MEI4: variants seen among roughly 807,000 people sequenced by gnomAD.
MEI4 encodes the protein meiotic double-stranded break formation protein 4, also known as meiosis-specific protein MEI4.
In MEI4, 27 loss-of-function variants were observed where a neutral mutation model predicts 31.4. The observed-to-expected ratio is 0.86, with a 90% CI of 0.63 to 1.19. The LOEUF is 1.19. Among genes scored for constraint, MEI4 ranks in the 50% most tolerant of loss-of-function variants. MEI4 has a pLI of 0.00. For missense variants in MEI4, 329 were observed against 398.9 expected (o/e 0.82, Z 1.49); for synonymous variants, 122 against 145.4 (o/e 0.84, Z 1.16).
At chr6:77,680,860 A>G (rs1768943982) in intron 1 of MEI4, among the ~76,000 whole-genome samples, 1 of 152,198 alleles carries the variant, frequency 6.6e-6, no homozygotes, top group African/African-American at 2.4e-5. Context: ...AGTGAGACTG[A>G]TGAGAAGTAG....
chr6:77,746,425 C>T (rs1217885859), intron 2 of MEI4, among the ~76,000 whole-genome samples: 4 of 152,082 alleles, frequency 2.6e-5, no homozygotes, highest in African/African-American at 9.7e-5. Context: ...AGGGGGGACT[C>T]CTCTTGCTCG....
chr6:77,785,834 A>G (rs1768721599), intron 3 of MEI4, among the ~76,000 whole-genome samples: 1 of 152,176 alleles, frequency 6.6e-6, no homozygotes, highest in Non-Finnish European at 1.5e-5. Context: ...GTAGTTGGAT[A>G]TAAATAGTCA....
intron 2 of MEI4, among the ~76,000 whole-genome samples, chr6:77,733,499 C>G (rs983704223): frequency 6.6e-6 from 1 of 151,938 alleles, no homozygotes; most frequent in Non-Finnish European, 1.5e-5. Context: ...TTTATTGTGT[C>G]TATTTGATTC....
At chr6:77,661,068 G>A (rs1471401943) in intron 1 of MEI4, among the ~76,000 whole-genome samples, 3 of 152,126 alleles carry the variant, frequency 2.0e-5, no homozygotes, top group East Asian at 1.9e-4. Flanking sequence ...AAGAAAGTGC[G>A]TCCATATAAA....
chr6:77,861,411 C>T (rs769368491), intron 4 of MEI4, among the ~76,000 whole-genome samples: 54 of 152,222 alleles, frequency 3.5e-4, no homozygotes, highest in Middle Eastern at 6.8e-3. Flanking sequence ...CAACAGCTTC[C>T]ACTTTTTTAA....
intron 3 of MEI4, among the ~76,000 whole-genome samples, chr6:77,796,655 A>C (rs1363391461): frequency 6.6e-6 from 1 of 152,182 alleles, no homozygotes; most frequent in African/African-American, 2.4e-5. Flanking sequence ...AGGAGGTGTA[A>C]AATCTGTACA....
At chr6:77,808,789 TAAG>T (rs1268909750) in intron 3 of MEI4, among the ~76,000 whole-genome samples, 3 of 152,278 alleles carry the variant, frequency 2.0e-5, no homozygotes, top group East Asian at 1.9e-4. Flanking sequence ...AGAAACAGGA[TAAG>T]AAGAAGTGGA....
intron 2 of MEI4, among the ~76,000 whole-genome samples, chr6:77,719,293 A>C (rs961954616): frequency 1.1e-4 from 15 of 137,076 alleles, no homozygotes; most frequent in African/African-American, 4.2e-4. Context: ...GTTTCCCTTT[A>C]GGTCTAAATT....
chr6:77,814,720 C>G (rs1346322817), intron 3 of MEI4, among the ~76,000 whole-genome samples: 2 of 152,020 alleles, frequency 1.3e-5, no homozygotes, highest in African/African-American at 4.8e-5. Context: ...TGAATGTTCC[C>G]CCTACCTGCT....
At chr6:77,863,438 A>T (rs1770926300) in intron 4 of MEI4, among the ~76,000 whole-genome samples, 1 of 152,170 alleles carries the variant, frequency 6.6e-6, no homozygotes, top group East Asian at 1.9e-4. Context: ...TGACAAATGC[A>T]CAAGCCTCAG....
chr6:77,710,539 A>G (rs9294078), intron 2 of MEI4, among the ~76,000 whole-genome samples: 3,659 of 120,810 alleles, frequency 0.03, 102 homozygotes, highest in Non-Finnish European at 0.048. Flanking sequence ...AAAAAAAAAA[A>G]AAAGAAAAGG....
intron 4 of MEI4, among the ~76,000 whole-genome samples, chr6:77,840,485 T>A (rs1164722616): frequency 1.3e-5 from 2 of 152,132 alleles, no homozygotes; most frequent in African/African-American, 2.4e-5. Flanking sequence ...AAACGATAAA[T>A]GTATTAATTT....
chr6:77,917,241 G>A (rs1181064920), intron 4 of MEI4, among the ~76,000 whole-genome samples: 36 of 151,798 alleles, frequency 2.4e-4, no homozygotes, highest in Admixed American at 2.0e-3. Context: ...ACGTGTGCAT[G>A]TGTCTTTATA....
intron 4 of MEI4, among the ~76,000 whole-genome samples, chr6:77,839,884 T>A (rs1248553983): frequency 1.3e-5 from 2 of 152,150 alleles, no homozygotes; most frequent in Non-Finnish European, 2.9e-5. Flanking sequence ...CTACTCAATA[T>A]ACACAATTAC....
chr6:77,745,927 A>G (rs191730263), intron 2 of MEI4, among the ~76,000 whole-genome samples: 63 of 152,316 alleles, frequency 4.1e-4, no homozygotes, highest in African/African-American at 1.4e-3. Context: ...ACCAACGAGA[A>G]CAAAGACACA....
intron 1 of MEI4, among the ~76,000 whole-genome samples, chr6:77,678,518 G>T (rs564294885): frequency 5.3e-5 from 8 of 152,212 alleles, no homozygotes; most frequent in Non-Finnish European, 1.0e-4. Context: ...TAATGAAGCT[G>T]AAAAATCCTT....
At chr6:77,719,201 A>G (rs1766657493) in intron 2 of MEI4, among the ~76,000 whole-genome samples, 1 of 141,498 alleles carries the variant, frequency 7.1e-6, no homozygotes, top group African/African-American at 2.7e-5. Context: ...GTTTTGTAAT[A>G]TCACCGCACT....
intron 3 of MEI4, among the ~76,000 whole-genome samples, chr6:77,775,205 A>C (rs924784104): frequency 6.6e-6 from 1 of 152,108 alleles, no homozygotes; most frequent in Non-Finnish European, 1.5e-5. Flanking sequence ...CTATCATTCT[A>C]TAGGATTTGG....
rs10046202 is a variant in MEI4 at position 77,805,565 on chromosome 6, T to G, written c.769-23366T>G. Reference sequence around the variant, plus strand: ...TTAAATAGTAATTAGAGCTTTACATTTTTATAAGTTGTAGAGAAATAATGA... The same window carrying G: ...TTAAATAGTAATTAGAGCTTTACATGTTTATAAGTTGTAGAGAAATAATGA... On this transcript the variant is annotated intron_variant, in intron 3 of 4. Coordinates refer to ENST00000684080, the MANE Select transcript of MEI4 (RefSeq NM_001322247.2). Among the ~76,000 whole-genome samples, 1,061 of 152,248 alleles carry G rather than the reference T, an allele frequency of 7.0e-3. 13 individuals carry two copies. Among genetic ancestry groups the G allele is most frequent in the African/African-American group, 0.024 (1,001 of 41,566 alleles).
Sources: allele counts gnomAD v4.1 joint callset (sites outside exome capture counted in the v4.1 genomes callset), GRCh38; gene constraint gnomAD v4.1.1; transcripts MANE v1.5; gene names NCBI Gene and HGNC (gene_info 2026-07-23, HGNC 2026-07-21).